The following DOK6 variants were observed in gnomAD, a reference collection of about 807,000 sequenced individuals.
DOK6 encodes the protein downstream of tyrosine kinase 6.
A neutral mutation model predicts 44.0 loss-of-function variants in DOK6; 22 were observed. That is an observed-to-expected ratio of 0.50 (90% CI 0.36 to 0.71). The LOEUF is 0.71. Among genes scored for constraint, DOK6 ranks in the 30% least tolerant of loss-of-function variants. The pLI is 0.00. For missense variants in DOK6, 340 were observed against 416.4 expected, an observed-to-expected ratio of 0.82 and a Z score of 1.60; for synonymous variants, 166 against 145.5, an observed-to-expected ratio of 1.14 and a Z score of -1.01.
chr18:69,772,256 G>A (rs1309962688), intron 7 of DOK6, among the ~76,000 whole-genome samples: 1 of 151,966 alleles, frequency 6.6e-6, no homozygotes, highest in African/African-American at 2.4e-5. Flanking sequence ...TTCACGAGTT[G>A]AAAGAGTTAA....
intron 1 of DOK6, among the ~76,000 whole-genome samples, chr18:69,455,171 AAAAG>A (rs1212840231): frequency 3.0e-4 from 38 of 124,956 alleles, no homozygotes; most frequent in African/African-American, 1.0e-3. Flanking sequence ...AAAAAAAAAA[AAAAG>A]AAAAGAAAAA....
chr18:69,518,725 T>C (rs1981603164), intron 1 of DOK6, among the ~76,000 whole-genome samples: 1 of 152,126 alleles, frequency 6.6e-6, no homozygotes, highest in South Asian at 2.1e-4. Flanking sequence ...GAAAAATCTT[T>C]AAAAACATTT....
intron 1 of DOK6, among the ~76,000 whole-genome samples, chr18:69,461,409 C>T (rs1979783642): frequency 6.6e-6 from 1 of 152,162 alleles, no homozygotes; most frequent in Admixed American, 6.5e-5. Flanking sequence ...ATGGGAACAG[C>T]TGGCAGGGGC....
At chr18:69,800,233 G>T (rs1980864263) in intron 7 of DOK6, among the ~76,000 whole-genome samples, 1 of 151,884 alleles carries the variant, frequency 6.6e-6, no homozygotes. Flanking sequence ...TAGATACTCT[G>T]CTTACCAAAT....
At position 69,722,020 on chromosome 18, in the gene DOK6, TATG is replaced by T. The variant is rs1483983592; in HGVS notation, c.600-16942_600-16940del. The stretch of plus-strand genomic sequence containing the variant: ...CAGAGTTTGTATGGATTTGGAATAT[TATG>T]ATAACTCGTGGGAAACCGAAACCTC... On this transcript the variant is annotated intron_variant, in intron 5 of 7. Transcript: ENST00000382713. Among the ~76,000 whole-genome samples the T allele has an allele frequency of 3.3e-5, 5 of 152,324 alleles. No individual in the cohort carries two copies. The East Asian group carries it at 9.6e-4, about 29-fold the overall frequency.
chr18:69,529,511 A>G (rs1445676923), intron 1 of DOK6, among the ~76,000 whole-genome samples: 2 of 152,216 alleles, frequency 1.3e-5, no homozygotes, highest in Admixed American at 6.5e-5. Context: ...CCACTTGGAA[A>G]GGTATACAAA....
chr18:69,648,471 C>A (rs2144660672), intron 3 of DOK6, among the ~76,000 whole-genome samples: 1 of 152,264 alleles, frequency 6.6e-6, no homozygotes, highest in East Asian at 1.9e-4. Context: ...TTTTCTTTCT[C>A]TTTTCCATTG....
chr18:69,645,862 C>T (rs532399877), intron 3 of DOK6, among the ~76,000 whole-genome samples: 47 of 152,222 alleles, frequency 3.1e-4, no homozygotes, highest in African/African-American at 1.1e-3. Flanking sequence ...AAATGTGTTT[C>T]TATGATGTTT....
At chr18:69,558,052 T>C (rs1035273353) in intron 1 of DOK6, among the ~76,000 whole-genome samples, 10 of 152,174 alleles carry the variant, frequency 6.6e-5, no homozygotes, top group Non-Finnish European at 5.9e-5. Flanking sequence ...ACTCAAAGAA[T>C]GTGTATCTTT....
At chr18:69,427,378 T>C (rs1978668977) in intron 1 of DOK6, among the ~76,000 whole-genome samples, 1 of 143,600 alleles carries the variant, frequency 7.0e-6, no homozygotes, top group South Asian at 2.5e-4. Flanking sequence ...AAAAAAAGCA[T>C]AACATCACTG....
chr18:69,727,810 C>G (rs1172343204), intron 5 of DOK6, among the ~76,000 whole-genome samples: 1 of 152,148 alleles, frequency 6.6e-6, no homozygotes, highest in African/African-American at 2.4e-5. Flanking sequence ...CTCAGGAACC[C>G]CTTCTCACTG....
chr18:69,742,751 C>T (rs1373683385), intron 6 of DOK6, among the ~76,000 whole-genome samples: 2 of 152,330 alleles, frequency 1.3e-5, no homozygotes, highest in African/African-American at 4.8e-5. Flanking sequence ...ATTTGTACTG[C>T]TCAGAACAAG....
At chr18:69,746,015 G>A (rs112427984) in intron 6 of DOK6, among the ~76,000 whole-genome samples, 6 of 152,150 alleles carry the variant, frequency 3.9e-5, no homozygotes, top group Admixed American at 2.0e-4. Flanking sequence ...GAAATTTAAC[G>A]TTTTATGTGT....
At chr18:69,557,991 G>A (rs921603411) in intron 1 of DOK6, among the ~76,000 whole-genome samples, 7 of 152,078 alleles carry the variant, frequency 4.6e-5, no homozygotes, top group African/African-American at 1.7e-4. Flanking sequence ...TCTCATGGGA[G>A]GCAAATAAAA....
chr18:69,591,421 G>A (rs193008545), intron 2 of DOK6, among the ~76,000 whole-genome samples: 12 of 152,158 alleles, frequency 7.9e-5, no homozygotes, highest in Admixed American at 7.2e-4. Context: ...TATTTGTCAC[G>A]TATGTTCTCA....
At chr18:69,447,272 T>A (rs570270076) in intron 1 of DOK6, among the ~76,000 whole-genome samples, 23 of 152,364 alleles carry the variant, frequency 1.5e-4, no homozygotes, top group Non-Finnish European at 2.8e-4. Context: ...TTTCTACATA[T>A]GGCTAGCCAG....
At chr18:69,449,345 T>A (rs1979387546) in intron 1 of DOK6, among the ~76,000 whole-genome samples, 2 of 152,238 alleles carry the variant, frequency 1.3e-5, no homozygotes, top group Non-Finnish European at 2.9e-5. Context: ...AATTGAGGAA[T>A]TAAGAGCTTT....
At chr18:69,483,400 G>A (rs1442967125) in intron 1 of DOK6, among the ~76,000 whole-genome samples, 5 of 151,992 alleles carry the variant, frequency 3.3e-5, no homozygotes. Flanking sequence ...AGTAATTGCT[G>A]TTCTTTAATG....
intron 7 of DOK6, among the ~76,000 whole-genome samples, chr18:69,817,092 A>G (rs573089896): frequency 2.6e-5 from 4 of 152,320 alleles, no homozygotes; most frequent in Non-Finnish European, 4.4e-5. Flanking sequence ...TCTTTTGACT[A>G]TTCTTGAAGA....
Sources: gnomAD v4.1 joint callset for allele counts (sites outside exome capture counted in the v4.1 genomes callset) on GRCh38, gnomAD v4.1.1 for gene constraint, MANE v1.5 for transcripts, NCBI Gene and HGNC (gene_info 2026-07-23, HGNC 2026-07-21) for gene names.